Variants in MAP4K3 observed in about 807,000 individuals in gnomAD.
The protein encoded by MAP4K3 is mitogen-activated protein kinase kinase kinase kinase 3, also known as MAPK/ERK kinase kinase kinase 3.
A neutral mutation model predicts 143.5 loss-of-function variants in MAP4K3; 94 were observed. That is an observed-to-expected ratio of 0.65 (90% CI 0.55 to 0.78). MAP4K3 has a LOEUF of 0.78. MAP4K3 is among the 30% of genes least tolerant of loss of function. MAP4K3 has a pLI of 0.00. For missense variants in MAP4K3, 1,077 were observed against 1,068.1 expected (o/e 1.01, Z -0.12); for synonymous variants, 416 against 347.2 (o/e 1.20, Z -2.20).
In MAP4K3 at chr2:39,419,862, G is replaced by T. The variant is rs957803511; in HGVS notation, c.96+17030C>A. Among the ~76,000 whole-genome samples, 11 of 152,324 alleles carry T rather than the reference G, an allele frequency of 7.2e-5. No individual in the cohort carries two copies. The East Asian group carries it at 2.1e-3, about 29-fold the overall frequency. Reference sequence around the variant, plus strand: ...TATTCTCTGCTCAATGCTTTTTGAAGATTTGGAGTTTGTGGTTTTACTGAC... The same window carrying T: ...TATTCTCTGCTCAATGCTTTTTGAATATTTGGAGTTTGTGGTTTTACTGAC... On this transcript the variant is annotated intron_variant, in intron 1 of 33. Transcript: ENST00000263881.
chr2:39,254,590 C>T, intron 31 of MAP4K3, 70 bp from the exon 32 acceptor site: 1 of 1,111,158 alleles, frequency 9.0e-7, no homozygotes. Context: ...CATTTCATCC[C>T]TCTATCTCAT....
chr2:39,280,298 G>A lies in MAP4K3; in HGVS notation c.1688C>T (p.Ser563Leu). Reference protein sequence around the residue: ...NGCPLKIHCASSWINPDTRDQ... With the variant: ...NGCPLKIHCALSWINPDTRDQ... ...TCTTGTATCTGGGTTTATCCATGAT[G>A]ATGCACAGTGAATTTTCAAGGGACA... The change falls in exon 23 of 34, where the codon TCA becomes TTA. Residue 563 changes from serine (S) to leucine (L), a missense_variant. Ser to Leu is a moderately radical substitution (Grantham distance 145, BLOSUM62 -2). Around this residue, in one of 2 missense-constraint regions of MAP4K3, gnomAD observed 864 missense variants for 801.2 expected, o/e 1.08. Transcript: ENST00000263881. 6.3e-7 allele frequency: 1 copy of A among 1,598,048 alleles called. No individual in the cohort carries two copies.
At position 39,250,418 on chromosome 2, in the gene MAP4K3, T is replaced by G; in HGVS notation, c.*200A>C. The G allele has an allele frequency of 2.0e-6, 1 of 508,790 alleles. No individual in the cohort carries two copies. Among genetic ancestry groups the G allele is most frequent in the African/African-American group, 1.9e-5 (1 of 52,224 alleles). The allele number at this position is 508,790 out of a possible 1,614,324, so 31.5% of individuals were successfully genotyped here. The stretch of plus-strand genomic sequence containing the variant: ...GTACAAAGATTACATAACAATGAAT[T>G]AAGCACTTGTGTGGTTCAATATGCT... On this transcript the variant is annotated 3_prime_UTR_variant, in exon 34 of 34. Coordinates refer to ENST00000263881, the MANE Select transcript of MAP4K3 (RefSeq NM_003618.4).
At chr2:39,315,270 T>C (rs763090661) in intron 13 of MAP4K3, 40 bp downstream of exon 13, 1 of 1,322,374 alleles carries the variant, frequency 7.6e-7, no homozygotes, top group Non-Finnish European at 1.1e-6. Flanking sequence ...TAACTTATTT[T>C]CTATCATTAA....
chr2:39,261,794 C>T (rs1233456406), intron 28 of MAP4K3, among the ~76,000 whole-genome samples: 1 of 152,024 alleles, frequency 6.6e-6, no homozygotes, highest in African/African-American at 2.4e-5. Context: ...CACAAAAAGC[C>T]AGACACAAAT....
chr2:39,309,872 T>C (rs992159446), intron 13 of MAP4K3, among the ~76,000 whole-genome samples: 1 of 152,100 alleles, frequency 6.6e-6, no homozygotes, highest in African/African-American at 2.4e-5. Context: ...CCAGGATGTT[T>C]TTATATTCTT....
chr2:39,425,689 C>T (rs1164406654), intron 1 of MAP4K3, among the ~76,000 whole-genome samples: 1 of 56,072 alleles, frequency 1.8e-5, no homozygotes, highest in Admixed American at 3.0e-4. Flanking sequence ...ATTTAAGCCA[C>T]CTGGTCTGTG....
chr2:39,347,103 G>A (rs1665315054), intron 3 of MAP4K3, among the ~76,000 whole-genome samples: 1 of 152,120 alleles, frequency 6.6e-6, no homozygotes, highest in Non-Finnish European at 1.5e-5. Context: ...TTTCTCTCAT[G>A]AGAGTACAAT....
intron 1 of MAP4K3, among the ~76,000 whole-genome samples, chr2:39,413,161 CA>C (rs2148619446): frequency 6.6e-6 from 1 of 152,224 alleles, no homozygotes; most frequent in Non-Finnish European, 1.5e-5. Context: ...AGCTTTCATG[CA>C]GTAAAAGTTA....
At chr2:39,361,295 T>G (rs1456673052) in intron 2 of MAP4K3, among the ~76,000 whole-genome samples, 1 of 152,154 alleles carries the variant, frequency 6.6e-6, no homozygotes, top group African/African-American at 2.4e-5. Context: ...ATAGTCACAA[T>G]TCTATGCCCC....
At chr2:39,293,397 T>G in intron 16 of MAP4K3, 129 bp from the exon 17 acceptor site, 1 of 634,486 alleles carries the variant, frequency 1.6e-6, no homozygotes, top group Non-Finnish European at 2.7e-6. Context: ...TTACTGAAAA[T>G]TTGCTAGTGA....
In MAP4K3 at chr2:39,272,286, G is replaced by A; in HGVS notation, c.1970C>T (p.Pro657Leu). ...GCCTCTAAGGATGTACCCTTACCTT[G>A]GCAGTATTCTGTCAGGGAGTTTGTG... Reference protein sequence around the residue: ...PAHKLPDRILPRKFSVSAKIP... With the variant: ...PAHKLPDRILLRKFSVSAKIP... The change falls in exon 26 of 34, where the codon CCA becomes CTA. Residue 657 changes from proline (P) to leucine (L), a missense_variant. Physicochemically the swap from Pro to Leu is moderately conservative, Grantham distance 98. This residue lies in a region of MAP4K3 where 864 missense variants were observed against 801.2 expected (regional missense o/e 1.08). Transcript: ENST00000263881. 1 of 1,603,088 alleles carries A rather than the reference G, an allele frequency of 6.2e-7. No individual in the cohort carries two copies.
chr2:39,278,178 A>C (rs1681355686), intron 24 of MAP4K3, among the ~76,000 whole-genome samples: 1 of 151,974 alleles, frequency 6.6e-6, no homozygotes, highest in South Asian at 2.1e-4. Context: ...GCTACTTGGG[A>C]GGCTGAGGCA....
intron 1 of MAP4K3, among the ~76,000 whole-genome samples, chr2:39,420,129 G>C (rs757452835): frequency 6.6e-6 from 1 of 152,158 alleles, no homozygotes; most frequent in Non-Finnish European, 1.5e-5. Flanking sequence ...GGCACTGAAA[G>C]GAATACAAGA....
chr2:39,294,272 C>G (rs1329626737), intron 16 of MAP4K3: 1 of 152,104 alleles, frequency 6.6e-6, no homozygotes, highest in Non-Finnish European at 1.5e-5. Context: ...GTATGGTTAT[C>G]TACTGTAAGC....
chr2:39,394,837 C>A (rs1666761407), intron 1 of MAP4K3, among the ~76,000 whole-genome samples: 1 of 152,110 alleles, frequency 6.6e-6, no homozygotes, highest in African/African-American at 2.4e-5. Context: ...TAGTTTCTAT[C>A]ACCCTTTGTC....
At chr2:39,413,667 G>A (rs1273114877) in intron 1 of MAP4K3, among the ~76,000 whole-genome samples, 2 of 151,920 alleles carry the variant, frequency 1.3e-5, no homozygotes, top group Non-Finnish European at 2.9e-5. Context: ...AAAGTTGTAA[G>A]AGAAGCAAGA....
intron 1 of MAP4K3, among the ~76,000 whole-genome samples, chr2:39,409,959 G>A (rs564912121): frequency 6.6e-6 from 1 of 152,302 alleles, no homozygotes; most frequent in South Asian, 2.1e-4. Context: ...AATGAAAATA[G>A]CAGAAAGGTA....
At chr2:39,420,510 G>C (rs1431592192) in intron 1 of MAP4K3, among the ~76,000 whole-genome samples, 1 of 151,818 alleles carries the variant, frequency 6.6e-6, no homozygotes, top group African/African-American at 2.4e-5. Flanking sequence ...TTGAACTCCT[G>C]GGCTCAAGTG....
Sources: gnomAD v4.1 joint callset for allele counts (sites outside exome capture counted in the v4.1 genomes callset) on GRCh38, gnomAD v4.1.1 for gene constraint, gnomAD v4.1.1 regional missense constraint, MANE v1.5 for transcripts, NCBI Gene and HGNC (gene_info 2026-07-23, HGNC 2026-07-21) for gene names.